ATP2B2: variants seen among roughly 807,000 people sequenced by gnomAD.
ATP2B2 encodes plasma membrane calcium-transporting ATPase 2.
A neutral mutation model predicts 120.0 loss-of-function variants in ATP2B2; 15 were observed. That is an observed-to-expected ratio of 0.12 (90% confidence interval 0.08 to 0.19). The LOEUF (loss-of-function observed/expected upper bound fraction) is 0.19. ATP2B2 is among the 10% of genes least tolerant of loss of function. ATP2B2 has a pLI of 1.00. For missense variants in ATP2B2, 1,045 were observed against 1,719.8 expected, an observed-to-expected ratio of 0.61 and a Z score of 6.94; for synonymous variants, 694 against 700.3, an observed-to-expected ratio of 0.99 and a Z score of 0.14.
intron 22 of ATP2B2, chr3:10,336,201 A>T (rs1295649439): frequency 6.4e-7 from 1 of 1,550,558 alleles, no homozygotes; most frequent in Admixed American, 2.0e-5. Context: ...CTAGGGCTAG[A>T]GAGATTGGCT....
At chr3:10,465,875 T>G (rs1359272921) in intron 1 of ATP2B2, among the ~76,000 whole-genome samples, 4 of 152,214 alleles carry the variant, frequency 2.6e-5, no homozygotes. Context: ...GCACCAGGCC[T>G]GCACTGAGTT....
intron 22 of ATP2B2, among the ~76,000 whole-genome samples, chr3:10,336,470 C>T (rs1177523494): frequency 6.6e-6 from 1 of 152,228 alleles, no homozygotes; most frequent in East Asian, 1.9e-4. Flanking sequence ...AACGTCTGCT[C>T]AGCTCTGGGC....
chr3:10,407,826 C>T (rs1045750694), intron 3 of ATP2B2, among the ~76,000 whole-genome samples: 7 of 152,142 alleles, frequency 4.6e-5, no homozygotes, highest in Non-Finnish European at 7.3e-5. Flanking sequence ...CCATGATAAG[C>T]GCTTTGCATT....
intron 2 of ATP2B2, among the ~76,000 whole-genome samples, chr3:10,612,143 T>C (rs1049473222): frequency 1.3e-5 from 2 of 152,196 alleles, no homozygotes; most frequent in East Asian, 1.9e-4. Context: ...ATATGCTCTC[T>C]GGCCACCAGG....
chr3:10,327,018 G>A lies in ATP2B2; in HGVS notation c.*1796C>T, dbSNP rs2059870018. ...TTTCCTCGAAGCATGGGACATCATC[G>A]ATCATGGTATTCAAAATGTCTTTTG... is the stretch of plus-strand genomic sequence containing the variant. On this transcript the variant is annotated 3_prime_UTR_variant, in exon 23 of 23. Coordinates refer to ENST00000360273, the MANE Select transcript of ATP2B2 (RefSeq NM_001001331.4). 2 of 397,420 alleles carry A rather than the reference G, an allele frequency of 5.0e-6. No homozygotes were observed. The highest frequency in any genetic ancestry group is 4.4e-5 in the Admixed American group (1 of 22,706). The allele number at this position is 397,420 out of a possible 1,614,324, so 24.6% of individuals were successfully genotyped here.
chr3:10,337,133 A>G (rs969340153), intron 22 of ATP2B2, among the ~76,000 whole-genome samples: 9 of 152,286 alleles, frequency 5.9e-5, no homozygotes, highest in African/African-American at 2.2e-4. Flanking sequence ...CATCTCCTGG[A>G]CCTTGGTAAC....
intron 1 of ATP2B2, among the ~76,000 whole-genome samples, chr3:10,649,284 G>A (rs115956508): frequency 1.3e-5 from 2 of 152,318 alleles, no homozygotes; most frequent in African/African-American, 4.8e-5. Flanking sequence ...AAGTGCTCAT[G>A]TTGGTCAGTG....
At chr3:10,495,490 C>T (rs1671775449) in intron 1 of ATP2B2, among the ~76,000 whole-genome samples, 1 of 152,188 alleles carries the variant, frequency 6.6e-6, no homozygotes, top group Admixed American at 6.5e-5. Context: ...ACACGGAGCC[C>T]CTAGCATCGA....
At chr3:10,653,579 T>C (rs1170796311) in intron 1 of ATP2B2, among the ~76,000 whole-genome samples, 2 of 152,142 alleles carry the variant, frequency 1.3e-5, no homozygotes. Context: ...TGGATGTAAA[T>C]ATGTGCACCT....
In ATP2B2 at chr3:10,604,714, T is replaced by C. The variant is rs114508815; in HGVS notation, c.-415+15203A>G. Among the ~76,000 whole-genome samples, 1,155 of 152,312 alleles carry C rather than the reference T, an allele frequency of 7.6e-3. 5 individuals carry two copies. The highest frequency in any genetic ancestry group is 0.012 in the Non-Finnish European group (835 of 68,026). On this transcript the variant is annotated intron_variant, in intron 2 of 21. Coordinates refer to the ATP2B2 transcript ENST00000646379. ...GAAAACTTGGAAGACCAGGTAACAC[T>C]AGGCCAGCTTCTCTTCATATTAATA...
At chr3:10,677,074 C>T (rs183837499) in intron 1 of ATP2B2, among the ~76,000 whole-genome samples, 1 of 152,218 alleles carries the variant, frequency 6.6e-6, no homozygotes, top group East Asian at 1.9e-4. Context: ...TTACCCAAAG[C>T]AGTTGAGAAC....
Position 10,375,746 on chromosome 3 carries a change from C to A in ATP2B2, c.1202-102G>T. ...GAAAGAGCTCCGGGTCAGGCTGACCCCAGCTCACCTCCCAGCTCTGCCACT... is the reference window on the plus strand; with the variant it reads ...GAAAGAGCTCCGGGTCAGGCTGACCACAGCTCACCTCCCAGCTCTGCCACT... On this transcript the variant is annotated intron_variant, in intron 10 of 22. Transcript: ENST00000360273. The surrounding 1 kb of genome is among the most constrained non-coding windows in gnomAD (Gnocchi z 4.2). 1 of 1,014,070 alleles carries A rather than the reference C, an allele frequency of 9.9e-7. No individual in the cohort carries two copies. Among genetic ancestry groups the A allele is most frequent in the Non-Finnish European group, 1.5e-6 (1 of 658,768 alleles). 62.8% of individuals were successfully genotyped at this position (1,014,070 alleles called of 1,614,324 possible). A position where few individuals can be genotyped will look rare whatever the true frequency, so the allele number is the denominator to read the frequency against.
intron 1 of ATP2B2, among the ~76,000 whole-genome samples, chr3:10,651,052 C>T (rs540960900): frequency 2.0e-5 from 3 of 152,184 alleles, no homozygotes; most frequent in Non-Finnish European, 4.4e-5. Flanking sequence ...AATGCCTGTA[C>T]CCCCATTGTA....
intron 3 of ATP2B2, among the ~76,000 whole-genome samples, chr3:10,512,736 G>A (rs1377056335): frequency 6.6e-6 from 1 of 152,170 alleles, no homozygotes; most frequent in African/African-American, 2.4e-5. Flanking sequence ...AACAACCACA[G>A]CCCTTCCCTG....
At chr3:10,468,614 T>A (rs1575322223) in intron 1 of ATP2B2, among the ~76,000 whole-genome samples, 1 of 152,202 alleles carries the variant, frequency 6.6e-6, no homozygotes, top group East Asian at 1.9e-4. Flanking sequence ...CCCTGGAAAG[T>A]GGGAGCAAGG....
At chr3:10,520,474 CT>C (rs1055426857) in intron 3 of ATP2B2, among the ~76,000 whole-genome samples, 53 of 151,708 alleles carry the variant, frequency 3.5e-4, no homozygotes, top group African/African-American at 1.1e-3. Flanking sequence ...TATTCTTTTA[CT>C]TTTTTTTTGT....
chr3:10,600,318 A>G (rs1283196294), intron 2 of ATP2B2, among the ~76,000 whole-genome samples: 6 of 152,152 alleles, frequency 3.9e-5, no homozygotes, highest in African/African-American at 1.2e-4. Context: ...GTAGTAACCC[A>G]TTGCTGACTG....
intron 1 of ATP2B2, among the ~76,000 whole-genome samples, chr3:10,673,708 G>A (rs1292845445): frequency 6.6e-6 from 1 of 151,372 alleles, no homozygotes; most frequent in Non-Finnish European, 1.5e-5. Flanking sequence ...AGGCTGAGGT[G>A]GGTTGGGAGT....
At chr3:10,651,914 G>A (rs2070478009) in intron 1 of ATP2B2, among the ~76,000 whole-genome samples, 1 of 152,128 alleles carries the variant, frequency 6.6e-6, no homozygotes, top group Non-Finnish European at 1.5e-5. Context: ...TTACTCCCCT[G>A]TTTCAATTTG....
Sources: allele counts gnomAD v4.1 joint callset (sites outside exome capture counted in the v4.1 genomes callset), GRCh38; gene constraint gnomAD v4.1.1; non-coding constraint Gnocchi (gnomAD v3.1); transcripts MANE v1.5; gene names NCBI Gene and HGNC (gene_info 2026-07-23, HGNC 2026-07-21).